The following GNAS variants were observed in gnomAD, a reference collection of about 807,000 sequenced individuals.
GNAS encodes the protein protein ALEX.
A neutral mutation model predicts 54.5 loss-of-function variants in GNAS; 8 were observed. That is an observed-to-expected ratio of 0.15 (90% CI 0.09 to 0.26). The LOEUF is 0.26. GNAS is among the 10% of genes least tolerant of loss of function. The probability of loss-of-function intolerance (pLI) is 1.00; values close to 1 mark genes in which losing one functional copy is unlikely to be tolerated. For missense variants in GNAS, 170 were observed against 529.8 expected, an observed-to-expected ratio of 0.32 and a Z score of 6.67; for synonymous variants, 204 against 191.4, an observed-to-expected ratio of 1.07 and a Z score of -0.54.
intron 6 of GNAS, among the ~76,000 whole-genome samples, chr20:58,907,557 G>A (rs772979122): frequency 6.6e-5 from 10 of 152,318 alleles, no homozygotes; most frequent in Non-Finnish European, 1.3e-4. Context: ...ACCCAGTTTC[G>A]TTAATTAACA....
chr20:58,882,330 G>A (rs1353614337), intron 1 of GNAS, among the ~76,000 whole-genome samples: 6 of 152,126 alleles, frequency 3.9e-5, no homozygotes, highest in Non-Finnish European at 5.9e-5. Flanking sequence ...GTGCTGGCGT[G>A]AGCCACCGCG....
At chr20:58,879,475 T>C (rs1175254772) in intron 1 of GNAS, among the ~76,000 whole-genome samples, 2 of 152,218 alleles carry the variant, frequency 1.3e-5, no homozygotes, top group African/African-American at 4.8e-5. Context: ...CACCAAAGCA[T>C]ACAATCAATT....
chr20:58,878,928 A>G (rs2088032828), intron 1 of GNAS, among the ~76,000 whole-genome samples: 1 of 151,396 alleles, frequency 6.6e-6, no homozygotes, highest in Admixed American at 6.6e-5. Context: ...GGGGAGGGAG[A>G]CAAATCAGAT....
chr20:58,874,761 A>C (rs886510603), intron 1 of GNAS, among the ~76,000 whole-genome samples: 1 of 152,030 alleles, frequency 6.6e-6, no homozygotes, highest in Non-Finnish European at 1.5e-5. Context: ...CCTGCCCTCT[A>C]TCTTAGTTCC....
At chr20:58,880,557 G>T (rs2088160296) in intron 1 of GNAS, among the ~76,000 whole-genome samples, 1 of 152,176 alleles carries the variant, frequency 6.6e-6, no homozygotes, top group Admixed American at 6.5e-5. Flanking sequence ...TTTCTAAAAG[G>T]ACAAGCGTGA....
In GNAS at chr20:58,910,447, T is replaced by G. The variant is rs2091362835; in HGVS notation, c.1038+46T>G. ...GTTTCCTCTCTTGTTCCTCCTCTTTTTCTCATGGATGTAAATTTACTTAAT... is the reference window on the plus strand; with the variant it reads ...GTTTCCTCTCTTGTTCCTCCTCTTTGTCTCATGGATGTAAATTTACTTAAT... On this transcript the variant is annotated intron_variant, in intron 12 of 12. Coordinates refer to ENST00000371085, the MANE Select transcript of GNAS (RefSeq NM_000516.7). The surrounding 1 kb of genome is among the most constrained non-coding windows in gnomAD (Gnocchi z 5.8). 7.0e-7 allele frequency: 1 copy of G among 1,421,080 alleles called. No individual in the cohort carries two copies. The highest frequency in any genetic ancestry group is 1.1e-5 in the South Asian group (1 of 87,178). The allele number at this position is 1,421,080 out of a possible 1,614,324, so 88.0% of individuals were successfully genotyped here.
intron 1 of GNAS, among the ~76,000 whole-genome samples, chr20:58,869,099 C>G (rs996137274): frequency 3.3e-5 from 5 of 152,172 alleles, no homozygotes; most frequent in African/African-American, 1.2e-4. Flanking sequence ...ACGAGTGGAT[C>G]TGAAGATCTT....
At chr20:58,896,058 C>T (rs2090019397) in intron 2 of GNAS, among the ~76,000 whole-genome samples, 1 of 152,150 alleles carries the variant, frequency 6.6e-6, no homozygotes, top group African/African-American at 2.4e-5. Flanking sequence ...CTTTGGCCGC[C>T]CCCTCGTCCG....
At chr20:58,854,560 G>C in intron 1 of GNAS, 1 of 1,568,146 alleles carries the variant, frequency 6.4e-7, no homozygotes, top group South Asian at 1.2e-5. Flanking sequence ...CCCGACTCCG[G>C]GGCAGCCCCT....
intron 1 of GNAS, among the ~76,000 whole-genome samples, chr20:58,894,508 TAAAAA>T (rs2089853521): frequency 6.6e-6 from 1 of 152,166 alleles, no homozygotes; most frequent in South Asian, 2.1e-4. Context: ...AATTAAAAGT[TAAAAA>T]GAAAGAAAAA....
At position 58,891,695 on chromosome 20, in the gene GNAS, C is replaced by T. The variant is rs545042371; in HGVS notation, c.-32C>T. 2.6e-5 allele frequency: 27 copies of T among 1,019,534 alleles called. No individual in the cohort carries two copies. Among genetic ancestry groups the T allele is most frequent in the Non-Finnish European group, 3.1e-5 (26 of 840,848 alleles). 63.2% of individuals were successfully genotyped at this position (1,019,534 alleles called of 1,614,324 possible). Reference sequence around the variant, plus strand: ...CCGCCCGCGCCCGCCGCCGCCGCAGCCCGGCCGCGCCCCGCCGCCGCCGCC... The same window carrying T: ...CCGCCCGCGCCCGCCGCCGCCGCAGTCCGGCCGCGCCCCGCCGCCGCCGCC... On this transcript the variant is annotated 5_prime_UTR_variant, in exon 1 of 13. Transcript: ENST00000371085.
chr20:58,890,988 C>T (rs2089179416), upstream of GNAS, among the ~76,000 whole-genome samples: 1 of 151,240 alleles, frequency 6.6e-6, no homozygotes, highest in African/African-American at 2.4e-5. Flanking sequence ...CGGCGGCGCC[C>T]GCGGGAGGGG....
chr20:58,857,267 G>C lies in GNAS; in HGVS notation c.43+16381G>C, dbSNP rs2086560910. 6.6e-6 allele frequency: 1 copy of C among 152,172 alleles called. No homozygotes were observed. Among genetic ancestry groups the C allele is most frequent in the Middle Eastern group, 3.2e-3 (1 of 316 alleles). 9.4% of individuals were successfully genotyped at this position (152,172 alleles called of 1,614,324 possible). ...TAAATGTGAGGATCATTTTGTGTAT[G>C]CCCATCCAGGTAGATCATGACATTG... On this transcript the variant is annotated intron_variant, in intron 1 of 12. Coordinates refer to the GNAS transcript ENST00000306090. The surrounding 1 kb of genome is among the most constrained non-coding windows in gnomAD (Gnocchi z 4.1).
intron 1 of GNAS, among the ~76,000 whole-genome samples, chr20:58,860,151 AT>A (rs2086711110): frequency 6.6e-6 from 1 of 152,234 alleles, no homozygotes; most frequent in Non-Finnish European, 1.5e-5. Flanking sequence ...CTGGTTATAA[AT>A]GTCCATTGAG....
rs140173354 is a variant in GNAS at position 58,910,886 on chromosome 20, G to T, written c.*57G>T. 14 of 1,523,534 alleles carry T rather than the reference G, an allele frequency of 9.2e-6. No homozygotes were observed. Among genetic ancestry groups the T allele is most frequent in the Admixed American group, 6.7e-5 (4 of 59,838 alleles). 94.4% of individuals were successfully genotyped at this position (1,523,534 alleles called of 1,614,324 possible). Reference sequence around the variant, plus strand: ...AAGCACAATTAATTAAAAGTGAAACGTAATTGTACAAGCAGTTAATCACCC... The same window carrying T: ...AAGCACAATTAATTAAAAGTGAAACTTAATTGTACAAGCAGTTAATCACCC... On this transcript the variant is annotated 3_prime_UTR_variant, in exon 13 of 13. Coordinates refer to ENST00000371085, the MANE Select transcript of GNAS (RefSeq NM_000516.7). The surrounding 1 kb of genome is among the most constrained non-coding windows in gnomAD (Gnocchi z 5.8).
At position 58,909,912 on chromosome 20, in the gene GNAS, C is replaced by T. The variant is rs780197015; in HGVS notation, c.840-39C>T. 23 of 1,613,502 alleles carry T rather than the reference C, an allele frequency of 1.4e-5. No individual in the cohort carries two copies. In the East Asian group the frequency reaches 2.9e-4, roughly 20 times the overall value. On this transcript the variant is annotated intron_variant, in intron 10 of 12. Coordinates refer to ENST00000371085, the MANE Select transcript of GNAS (RefSeq NM_000516.7). This position sits in a 1 kb window ranked among gnomAD's most constrained non-coding sequence, Gnocchi z 7.3. ...CATTCCAGACCCCTGGCCGAAAGCG[C>T]GCTTCTCCCAAGCATTCACACGGCC...
chr20:58,853,874 A>G lies in GNAS; in HGVS notation c.43+12988A>G. On this transcript the variant is annotated intron_variant, in intron 1 of 12. Transcript: ENST00000306090. This position sits in a 1 kb window ranked among gnomAD's most constrained non-coding sequence, Gnocchi z 4.4. ...CCGGAGCTCCTCCCGAGGAGCCCCA[A>G]GCCCTCAGGCCTGCAAAGGCTGGCT... 6.3e-6 allele frequency: 10 copies of G among 1,596,746 alleles called. No homozygotes were observed. Among genetic ancestry groups the G allele is most frequent in the Non-Finnish European group, 8.5e-6 (10 of 1,172,178 alleles).
rs764619253 is a variant in GNAS, at chr20:58,853,843, G to C, written c.43+12957G>C. 1 of 1,595,782 alleles carries C rather than the reference G, an allele frequency of 6.3e-7. No individual in the cohort carries two copies. The highest frequency in any genetic ancestry group is 8.5e-7 in the Non-Finnish European group (1 of 1,171,820). ...GCTCCAGGAGGCCCAGGTGCTGCAG[G>C]GGTCCCCGGAGCTCCTCCCGAGGAG... On this transcript the variant is annotated intron_variant, in intron 1 of 12. Coordinates refer to the GNAS transcript ENST00000306090. This position sits in a 1 kb window ranked among gnomAD's most constrained non-coding sequence, Gnocchi z 4.4.
At position 58,853,963 on chromosome 20, in the gene GNAS, T is replaced by G. The variant is rs904989310; in HGVS notation, c.43+13077T>G. On this transcript the variant is annotated intron_variant, in intron 1 of 12. Coordinates refer to the GNAS transcript ENST00000306090. The surrounding 1 kb of genome is among the most constrained non-coding windows in gnomAD (Gnocchi z 4.4). ...CCATTTGAGCTTGATGGAGAAGGAT[T>G]TGGGGACGACAGCCCACCCCCGGGG... 6.2e-7 allele frequency: 1 copy of G among 1,612,236 alleles called. No homozygotes were observed. The highest frequency in any genetic ancestry group is 8.5e-7 in the Non-Finnish European group (1 of 1,179,726).
Sources: allele counts gnomAD v4.1 joint callset (sites outside exome capture counted in the v4.1 genomes callset), GRCh38; gene constraint gnomAD v4.1.1; non-coding constraint Gnocchi (gnomAD v3.1); transcripts MANE v1.5; gene names NCBI Gene and HGNC (gene_info 2026-07-23, HGNC 2026-07-21).